ROR2: variants seen among roughly 807,000 people sequenced by gnomAD.
ROR2 encodes the protein ROR family WNT receptor 2.
Under a neutral mutation model 74.9 loss-of-function variants are expected in ROR2, and 33 were observed. The observed-to-expected ratio is 0.44, with a 90% CI of 0.33 to 0.59. The LOEUF is 0.59. ROR2 is among the 20% of genes least tolerant of loss of function. The probability of loss-of-function intolerance (pLI) is 0.02; values close to 1 mark genes in which losing one functional copy is unlikely to be tolerated. For synonymous variants in ROR2, 586 were observed against 558.7 expected (o/e 1.05, Z -0.69); for missense variants, 1,216 against 1,313.8 (o/e 0.93, Z 1.15).
chr9:91,790,549 T>G (rs1248119733), intron 1 of ROR2, among the ~76,000 whole-genome samples: 1 of 151,940 alleles, frequency 6.6e-6, no homozygotes, highest in Non-Finnish European at 1.5e-5. Context: ...TAAAATTATG[T>G]CCAGTACATA....
intron 1 of ROR2, among the ~76,000 whole-genome samples, chr9:91,899,125 G>A (rs1167570490): frequency 6.6e-6 from 1 of 152,174 alleles, no homozygotes; most frequent in Non-Finnish European, 1.5e-5. Context: ...CGCTGACTCC[G>A]GCCTGACCTC....
chr9:91,825,344 C>G (rs182671486), intron 1 of ROR2, among the ~76,000 whole-genome samples: 1 of 152,170 alleles, frequency 6.6e-6, no homozygotes. Flanking sequence ...CACCTGGACA[C>G]CTGGGGCGAA....
At chr9:91,760,131 C>G (rs1226298662) in intron 2 of ROR2, among the ~76,000 whole-genome samples, 2 of 152,216 alleles carry the variant, frequency 1.3e-5, no homozygotes, top group Non-Finnish European at 2.9e-5. Flanking sequence ...TTGGCCAAGG[C>G]CACTCCTCAG....
chr9:91,844,948 G>A (rs562797349), intron 1 of ROR2, among the ~76,000 whole-genome samples: 40 of 152,300 alleles, frequency 2.6e-4, no homozygotes, highest in African/African-American at 9.1e-4. Context: ...GCATCCTAAT[G>A]TAAAGCAACT....
chr9:91,892,738 C>T (rs1425542684), intron 1 of ROR2, among the ~76,000 whole-genome samples: 1 of 151,730 alleles, frequency 6.6e-6, no homozygotes, highest in African/African-American at 2.4e-5. Flanking sequence ...TACAGGTGCC[C>T]ACCACCACAC....
At chr9:91,726,388 T>G (rs997973224) in intron 8 of ROR2, among the ~76,000 whole-genome samples, 153 bp downstream of exon 8, 1 of 152,004 alleles carries the variant, frequency 6.6e-6, no homozygotes, top group Non-Finnish European at 1.5e-5. Flanking sequence ...CCTGATCTAG[T>G]TTACAGAAAA....
At chr9:91,790,887 G>A (rs4237216) in intron 1 of ROR2, among the ~76,000 whole-genome samples, 16,159 of 152,200 alleles carry the variant, frequency 0.11, 1,032 homozygotes, top group South Asian at 0.24. Flanking sequence ...AAAGCTTCTA[G>A]AATAAAAACA....
intron 1 of ROR2, among the ~76,000 whole-genome samples, chr9:91,885,868 C>CTTTTTTTT: frequency 9.2e-6 from 1 of 108,154 alleles, no homozygotes; most frequent in Non-Finnish European, 1.8e-5. Context: ...GTATGGTTTC[C>CTTTTTTTT]TTTTTTTTTT....
chr9:91,941,272 C>T (rs1189068469), intron 1 of ROR2, among the ~76,000 whole-genome samples: 1 of 152,246 alleles, frequency 6.6e-6, no homozygotes, highest in East Asian at 1.9e-4. Context: ...GCTGGGATTA[C>T]AGGCGTGAGC....
chr9:91,785,591 G>T (rs1042325778), intron 1 of ROR2, among the ~76,000 whole-genome samples: 1 of 152,212 alleles, frequency 6.6e-6, no homozygotes, highest in Non-Finnish European at 1.5e-5. Context: ...CATTTTGCAC[G>T]AGGAGTCTCT....
At chr9:91,949,773 C>T (rs1366504957) in intron 1 of ROR2, 94 bp downstream of exon 1, 4 of 828,008 alleles carry the variant, frequency 4.8e-6, no homozygotes, top group Non-Finnish European at 8.0e-6. Context: ...GCATGGGCGC[C>T]GGCGCAGCGG....
rs534219453 is a variant in ROR2, at chr9:91,795,377, A to T, written c.98-19559T>A. On this transcript the variant is annotated intron_variant, in intron 1 of 8. Coordinates refer to ENST00000375708, the MANE Select transcript of ROR2 (RefSeq NM_004560.4). ...GAAATGTATATTTTATGGTGACTGT[A>T]TTGTGGCACTGATGTTGAATATACT... Among the ~76,000 whole-genome samples the T allele has an allele frequency of 3.9e-5, 6 of 152,358 alleles. 1 individual carries two copies. In the South Asian group the frequency reaches 1.2e-3, roughly 32 times the overall value.
chr9:91,739,222 T>G (rs781459914), intron 4 of ROR2, among the ~76,000 whole-genome samples: 3 of 152,140 alleles, frequency 2.0e-5, no homozygotes, highest in Non-Finnish European at 2.9e-5. Flanking sequence ...CTGTTCAATT[T>G]AAGGCTAGGC....
rs199799936 is a variant in ROR2 at position 91,897,468 on chromosome 9, ATAGT to A, written c.97+52395_97+52398del. On this transcript the variant is annotated intron_variant, in intron 1 of 8. Coordinates refer to ENST00000375708, the MANE Select transcript of ROR2 (RefSeq NM_004560.4). ...TCTCATGGGGTTGGTGATAATGTCA[ATAGT>A]TAGTACAACCTTCCATGGCTTTAGG... is the stretch of plus-strand genomic sequence containing the variant. Among the ~76,000 whole-genome samples the A allele has an allele frequency of 3.3e-5, 5 of 152,222 alleles. No homozygotes were observed. The East Asian group carries it at 9.7e-4, about 29-fold the overall frequency.
chr9:91,925,169 C>T (rs1354219582), intron 1 of ROR2, among the ~76,000 whole-genome samples: 2 of 152,240 alleles, frequency 1.3e-5, no homozygotes, highest in African/African-American at 4.8e-5. Flanking sequence ...GCATTTTTAA[C>T]AAGCTCCCAG....
chr9:91,926,407 G>A (rs551375136), intron 1 of ROR2, among the ~76,000 whole-genome samples: 25 of 150,328 alleles, frequency 1.7e-4, no homozygotes, highest in East Asian at 5.9e-4. Flanking sequence ...TTAGCTGGGC[G>A]TGGTGGCACA....
chr9:91,735,891 C>T (rs905977041), intron 5 of ROR2, among the ~76,000 whole-genome samples: 7 of 152,072 alleles, frequency 4.6e-5, no homozygotes, highest in African/African-American at 1.7e-4. Flanking sequence ...GCTAGGATTA[C>T]AGGCGTGAGC....
At chr9:91,904,059 G>C (rs1046069508) in intron 1 of ROR2, among the ~76,000 whole-genome samples, 21 of 151,144 alleles carry the variant, frequency 1.4e-4, no homozygotes, top group Admixed American at 9.9e-4. Flanking sequence ...TTTGGGGGGG[G>C]GGACAGAGTC....
chr9:91,757,251 C>CA (rs1825783609), intron 3 of ROR2, 21 bp downstream of exon 3: 3 of 1,613,678 alleles, frequency 1.9e-6, no homozygotes, highest in African/African-American at 2.7e-5. Flanking sequence ...CTAACCCACA[C>CA]AATTTCACTG....
Sources: gnomAD v4.1 joint callset for allele counts (sites outside exome capture counted in the v4.1 genomes callset) on GRCh38, gnomAD v4.1.1 for gene constraint, MANE v1.5 for transcripts, NCBI Gene and HGNC (gene_info 2026-07-23, HGNC 2026-07-21) for gene names.